The following AMHR2 variants were observed in gnomAD, a reference collection of about 807,000 sequenced individuals.
AMHR2 encodes anti-Muellerian hormone type-2 receptor.
Under a neutral mutation model 61.4 loss-of-function variants are expected in AMHR2, and 36 were observed. The ratio of observed to expected loss-of-function variants is 0.59; its 90% CI spans 0.45 to 0.77. AMHR2 has a LOEUF of 0.77. AMHR2 is among the 30% of genes least tolerant of loss of function. The pLI is 0.00. For synonymous variants in AMHR2, 258 were observed against 279.4 expected (o/e 0.92, Z 0.76); for missense variants, 638 against 714.6 (o/e 0.89, Z 1.22).
chr12:53,428,266 G>A (rs1012695178), intron 6 of AMHR2, among the ~76,000 whole-genome samples: 4 of 152,118 alleles, frequency 2.6e-5, no homozygotes, highest in East Asian at 1.9e-4. Context: ...GAAGGTGCTC[G>A]ATGACACTTG....
At position 53,425,939 on chromosome 12, in the gene AMHR2, T is replaced by C. The variant is rs762781092; in HGVS notation, c.852+20T>C. The C allele has an allele frequency of 6.2e-7, 1 of 1,607,684 alleles. No homozygotes were observed. The highest frequency in any genetic ancestry group is 8.5e-7 in the Non-Finnish European group (1 of 1,175,388). The stretch of plus-strand genomic sequence containing the variant: ...CCCAAGGTGAGCACCAAGGAGTGTA[T>C]ATGTGTGTGTGTGTGCCTGTGTGTA... On this transcript the variant is annotated intron_variant, in intron 6 of 10. Coordinates refer to ENST00000257863, the MANE Select transcript of AMHR2 (RefSeq NM_020547.3).
Position 53,429,943 on chromosome 12 carries a change from G to A in AMHR2, c.1253G>A (p.Trp418Ter). ...ADIYSLALLLWEILSRCPDLR... is the reference protein window; with the variant it reads ...ADIYSLALLL The stretch of plus-strand genomic sequence containing the variant: ...ATTTACTCTTTGGCTCTGCTCCTGT[G>A]GGAGATACTGAGCCGCTGCCCAGAT... The change falls in exon 9 of 11, where the codon TGG becomes TAG. Residue 418 changes from tryptophan (W) to a stop codon, truncating the protein, a stop_gained. Transcript: ENST00000257863. LOFTEE classifies it high-confidence loss of function. The A allele has an allele frequency of 6.2e-7, 1 of 1,614,208 alleles. No homozygotes were observed. Among genetic ancestry groups the A allele is most frequent in the Non-Finnish European group, 8.5e-7 (1 of 1,180,034 alleles).
In AMHR2 at chr12:53,430,269, G is replaced by C. The variant is rs767904039; in HGVS notation, c.1412G>C (p.Arg471Pro). Residue 471 changes from arginine to proline, a missense_variant, in exon 10 of 11, where the codon CGC becomes CCC. Arg to Pro is a moderately radical substitution (Grantham distance 103). Coordinates refer to ENST00000257863, the MANE Select transcript of AMHR2 (RefSeq NM_020547.3). ...RRRPYIPSTW[R>P]CFATDPDGLR... ...CGTCCCTACATCCCATCCACCTGGC[G>C]CTGCTTTGCCACAGTAAGAGGCCTA... 6.2e-7 allele frequency: 1 copy of C among 1,614,162 alleles called. No individual in the cohort carries two copies. The highest frequency in any genetic ancestry group is 2.2e-5 in the East Asian group (1 of 44,884).
chr12:53,431,547 A>T lies in AMHR2; in HGVS notation c.*74A>T. The stretch of plus-strand genomic sequence containing the variant: ...ATTGTATAGCTGTCTTGTCTGCCTC[A>T]TCACTGCATTTCCCACCTGCCGAAT... On this transcript the variant is annotated 3_prime_UTR_variant, in exon 11 of 11. Coordinates refer to ENST00000257863, the MANE Select transcript of AMHR2 (RefSeq NM_020547.3). The T allele has an allele frequency of 6.3e-7, 1 of 1,582,654 alleles. No homozygotes were observed. Among genetic ancestry groups the T allele is most frequent in the Non-Finnish European group, 8.7e-7 (1 of 1,154,374 alleles).
chr12:53,424,030 G>T (rs1394646612), intron 1 of AMHR2, 47 bp downstream of exon 1: 2 of 1,608,582 alleles, frequency 1.2e-6, no homozygotes, highest in Non-Finnish European at 1.7e-6. Flanking sequence ...CATCCAGCAA[G>T]GGAAAGGGGC....
At chr12:53,424,983 C>A in intron 3 of AMHR2, 83 bp downstream of exon 3, 1 of 1,552,532 alleles carries the variant, frequency 6.4e-7, no homozygotes, top group Non-Finnish European at 8.8e-7. Flanking sequence ...AGTTCTCACC[C>A]TACTCCCGCC....
intron 6 of AMHR2, among the ~76,000 whole-genome samples, chr12:53,427,976 C>T (rs1030047402): frequency 1.3e-5 from 2 of 152,238 alleles, no homozygotes; most frequent in African/African-American, 4.8e-5. Context: ...AGCCCAAATG[C>T]AGTGGCTCTT....
At position 53,425,336 on chromosome 12, in the gene AMHR2, G is replaced by A. The variant is rs905041541; in HGVS notation, c.502+94G>A. The A allele has an allele frequency of 4.4e-6, 7 of 1,606,450 alleles. No homozygotes were observed. In the African/African-American group the frequency reaches 6.7e-5, roughly 15 times the overall value. On this transcript the variant is annotated intron_variant, in intron 4 of 10. Coordinates refer to ENST00000257863, the MANE Select transcript of AMHR2 (RefSeq NM_020547.3). ...GGCACCCCTGACCCCATGGTCTTGG[G>A]ATCTCTATAGCCTGATTCCCGGACT...
Position 53,430,142 on chromosome 12 carries a change from C to A in AMHR2, c.1289-4C>A, listed in dbSNP as rs1316649496. ...TGATACCCAGCCCCTCTACCTTCCT[C>A]CAGACAGCAGTCCACCACCCTTCCA... On this transcript the variant is annotated splice_region_variant and splice_polypyrimidine_tract_variant and intron_variant, in intron 9 of 10. Coordinates refer to ENST00000257863, the MANE Select transcript of AMHR2 (RefSeq NM_020547.3). 1 of 1,614,206 alleles carries A rather than the reference C, an allele frequency of 6.2e-7. No individual in the cohort carries two copies. Among genetic ancestry groups the A allele is most frequent in the Middle Eastern group, 1.6e-4 (1 of 6,062 alleles).
intron 6 of AMHR2, 102 bp downstream of exon 6, chr12:53,426,021 A>G (rs908824620): frequency 1.7e-6 from 2 of 1,206,478 alleles, no homozygotes; most frequent in Non-Finnish European, 2.4e-6. Context: ...TCTGCTTTCG[A>G]TTTTCTCTTT....
At position 53,429,530 on chromosome 12, in the gene AMHR2, A is replaced by G; in HGVS notation, c.1045A>G (p.Ile349Val). The G allele has an allele frequency of 1.2e-6, 2 of 1,613,254 alleles. No homozygotes were observed. Among genetic ancestry groups the G allele is most frequent in the Non-Finnish European group, 1.7e-6 (2 of 1,179,922 alleles). Residue 349 changes from isoleucine to valine, a missense_variant, in exon 8 of 11, where the codon ATT becomes GTT. Physicochemically the swap from Ile to Val is conservative, Grantham distance 29. Transcript: ENST00000257863. ...VLIREDGSCA[I>V]GDLGLALVLP... ...CATTCGGGAAGATGGATCGTGTGCC[A>G]TTGGAGACCTGGGCCTTGCCTTGGT... is the stretch of plus-strand genomic sequence containing the variant.
chr12:53,424,324 C>A lies in AMHR2; in HGVS notation c.86C>A (p.Ala29Asp). The A allele has an allele frequency of 3.1e-6, 5 of 1,612,872 alleles. No homozygotes were observed. Among genetic ancestry groups the A allele is most frequent in the Non-Finnish European group, 4.2e-6 (5 of 1,180,034 alleles). Residue 29 changes from alanine to aspartate, a missense_variant, in exon 2 of 11, where the codon GCC (alanine) becomes GAC (aspartate). Ala to Asp is a moderately radical substitution (Grantham distance 126). Transcript: ENST00000257863. The stretch of plus-strand genomic sequence containing the variant: ...AGGCGAACCTGTGTGTTCTTTGAGG[C>A]CCCTGGAGTGCGGGGAAGCACAAAG... ...PNRRTCVFFE[A>D]PGVRGSTKTL...
chr12:53,424,655 G>A, intron 2 of AMHR2, 54 bp from the exon 3 acceptor site: 1 of 1,579,252 alleles, frequency 6.3e-7, no homozygotes, highest in Non-Finnish European at 8.7e-7. Flanking sequence ...ACCCCATTGT[G>A]CTTTCTTCCT....
chr12:53,431,376 T>C lies in AMHR2; in HGVS notation c.1625T>C (p.Leu542Pro). 2 of 1,614,134 alleles carry C rather than the reference T, an allele frequency of 1.2e-6. No individual in the cohort carries two copies. Among genetic ancestry groups the C allele is most frequent in the Non-Finnish European group, 1.7e-6 (2 of 1,180,016 alleles). Residue 542 changes from leucine to proline, a missense_variant, in exon 11 of 11, where the codon CTC (leucine) becomes CCC (proline). By Grantham distance (98) the Leu-to-Pro change is moderately conservative (BLOSUM62 -3). Coordinates refer to ENST00000257863, the MANE Select transcript of AMHR2 (RefSeq NM_020547.3). ...DCTSIPAPTI[L>P]PCRPQRSACH... ...ACTTCAATTCCTGCCCCTACCATCC[T>C]CCCCTGTAGGCCTCAGCGGAGTGCC... is the stretch of plus-strand genomic sequence containing the variant.
chr12:53,429,129 A>T, intron 7 of AMHR2, 119 bp downstream of exon 7: 1 of 983,664 alleles, frequency 1.0e-6, no homozygotes, highest in Non-Finnish European at 1.6e-6. Context: ...ACGGTGGCTC[A>T]CGCCTATAAT....
At chr12:53,424,045 G>A in intron 1 of AMHR2, 62 bp downstream of exon 1, 1 of 1,589,438 alleles carries the variant, frequency 6.3e-7, no homozygotes, top group Non-Finnish European at 8.6e-7. Context: ...AGGGGCGCTT[G>A]AAGCAAGAGC....
Position 53,424,323 on chromosome 12 carries a change from G to A in AMHR2, c.85G>A (p.Ala29Thr), listed in dbSNP as rs776058411. The change falls in exon 2 of 11, where the codon GCC (alanine) becomes ACC (threonine). Residue 29 changes from alanine to threonine, a missense_variant. Coordinates refer to ENST00000257863, the MANE Select transcript of AMHR2 (RefSeq NM_020547.3). The part of the protein sequence containing the change: ...PNRRTCVFFE[A>T]PGVRGSTKTL... Reference sequence around the variant, plus strand: ...CAGGCGAACCTGTGTGTTCTTTGAGGCCCCTGGAGTGCGGGGAAGCACAAA... The same window carrying A: ...CAGGCGAACCTGTGTGTTCTTTGAGACCCCTGGAGTGCGGGGAAGCACAAA... The A allele has an allele frequency of 3.7e-6, 6 of 1,612,878 alleles. No individual in the cohort carries two copies. The highest frequency in any genetic ancestry group is 4.2e-6 in the Non-Finnish European group (5 of 1,180,032).
chr12:53,430,669 A>C (rs1297872718), intron 10 of AMHR2: 4 of 379,060 alleles, frequency 1.1e-5, no homozygotes, highest in Non-Finnish European at 2.0e-5. Flanking sequence ...CAATTCAATA[A>C]GTCCCCATTC....
rs753985950 is a variant in AMHR2 at position 53,431,279 on chromosome 12, C to T, written c.1528C>T (p.His510Tyr). ...ACAGCAGCGCCTGGCTGCCTTGGCC[C>T]ATCCTCAAGAGAGCCACCCCTTTCC... ...CVQQRLAALA[H>Y]PQESHPFPES... Residue 510 changes from histidine to tyrosine, a missense_variant, in exon 11 of 11, where the codon CAT (histidine) becomes TAT (tyrosine). By Grantham distance (83) the His-to-Tyr change is moderately conservative (BLOSUM62 2). Transcript: ENST00000257863. 3.1e-6 allele frequency: 5 copies of T among 1,614,116 alleles called. No individual in the cohort carries two copies. The highest frequency in any genetic ancestry group is 2.2e-5 in the East Asian group (1 of 44,896).
Sources: allele counts gnomAD v4.1 joint callset (sites outside exome capture counted in the v4.1 genomes callset), GRCh38; gene constraint gnomAD v4.1.1; transcripts MANE v1.5; gene names NCBI Gene and HGNC (gene_info 2026-07-23, HGNC 2026-07-21).